GCSAML: variants seen among roughly 807,000 people sequenced by gnomAD.
GCSAML encodes germinal center-associated signaling and motility-like protein.
A neutral mutation model predicts 13.0 loss-of-function variants in GCSAML; 9 were observed. The observed-to-expected ratio is 0.69, with a 90% CI of 0.42 to 1.21. GCSAML has a LOEUF of 1.21. GCSAML is among the 50% of genes most tolerant of loss of function. The probability of loss-of-function intolerance (pLI) is 0.00; values close to 1 mark genes in which losing one functional copy is unlikely to be tolerated. For missense variants in GCSAML, 143 were observed against 153.4 expected (o/e 0.93, Z 0.36); for synonymous variants, 37 against 52.9 (o/e 0.70, Z 1.31).
intron 2 of GCSAML, among the ~76,000 whole-genome samples, chr1:247,562,834 T>A (rs202082112): frequency 9.3e-4 from 142 of 151,968 alleles, no homozygotes; most frequent in African/African-American, 3.2e-3. Flanking sequence ...TATTTTTTTT[T>A]TAATTTATTT....
upstream of GCSAML, among the ~76,000 whole-genome samples, chr1:247,545,105 A>T (rs1667524068): frequency 6.6e-6 from 1 of 152,218 alleles, no homozygotes; most frequent in African/African-American, 2.4e-5. Flanking sequence ...CATTCCTTAA[A>T]AATGAAATAA....
chr1:247,543,606 A>G (rs1667477154), intron 2 of GCSAML, among the ~76,000 whole-genome samples: 1 of 152,212 alleles, frequency 6.6e-6, no homozygotes, highest in Admixed American at 6.5e-5. Context: ...TGGTTCTAAA[A>G]GCATTTGAAT....
At chr1:247,572,581 G>A (rs1284980988) in intron 4 of GCSAML, among the ~76,000 whole-genome samples, 2 of 152,202 alleles carry the variant, frequency 1.3e-5, no homozygotes, top group East Asian at 3.9e-4. Context: ...TGGAAGCTTT[G>A]TCCCAGCAGG....
In GCSAML at chr1:247,571,159, G is replaced by A. The variant is rs1316793607; in HGVS notation, c.169-2984G>A. Among the ~76,000 whole-genome samples the A allele has an allele frequency of 2.0e-5, 3 of 152,074 alleles. No homozygotes were observed. The East Asian group carries it at 5.8e-4, about 29-fold the overall frequency. ...TGGATCTTGAATCTTTATCCAATTTGCCAGTCTGTGTCTTTTAATTGGGCC... is the reference window on the plus strand; with the variant it reads ...TGGATCTTGAATCTTTATCCAATTTACCAGTCTGTGTCTTTTAATTGGGCC... On this transcript the variant is annotated intron_variant, in intron 4 of 4. Transcript: ENST00000366488.
intron 4 of GCSAML, among the ~76,000 whole-genome samples, chr1:247,568,526 T>C (rs569444147): frequency 6.6e-6 from 1 of 152,220 alleles, no homozygotes; most frequent in Non-Finnish European, 1.5e-5. Context: ...TCTGTTCCAT[T>C]GGTCTATATA....
intron 2 of GCSAML, among the ~76,000 whole-genome samples, chr1:247,557,922 AG>A (rs1668008371): frequency 1.3e-5 from 2 of 152,268 alleles, no homozygotes; most frequent in South Asian, 4.1e-4. Flanking sequence ...CGCATAAACT[AG>A]TCATCTAAAC....
intron 1 of GCSAML, among the ~76,000 whole-genome samples, chr1:247,550,855 C>A (rs995281478): frequency 6.6e-6 from 1 of 151,602 alleles, no homozygotes; most frequent in Non-Finnish European, 1.5e-5. Context: ...TGGTCTTGGT[C>A]GCAAGAAAAA....
At chr1:247,514,578 T>A (rs1045072197) in intron 1 of GCSAML, among the ~76,000 whole-genome samples, 2 of 152,230 alleles carry the variant, frequency 1.3e-5, no homozygotes, top group Non-Finnish European at 2.9e-5. Context: ...TCCAATGTTA[T>A]CTTGTAGAAT....
chr1:247,546,657 G>A (rs561687244), upstream of GCSAML, among the ~76,000 whole-genome samples: 5 of 151,046 alleles, frequency 3.3e-5, no homozygotes, highest in African/African-American at 4.9e-5. Flanking sequence ...CACCGCGCCC[G>A]GCTGAAAATG....
intron 1 of GCSAML, among the ~76,000 whole-genome samples, chr1:247,508,823 T>G (rs988108320): frequency 1.3e-5 from 2 of 152,168 alleles, no homozygotes; most frequent in Non-Finnish European, 2.9e-5. Context: ...TGGTGGTATG[T>G]GTATGGTCTT....
intron 1 of GCSAML, among the ~76,000 whole-genome samples, chr1:247,510,588 T>C (rs1258852602): frequency 6.6e-6 from 1 of 152,224 alleles, no homozygotes; most frequent in Non-Finnish European, 1.5e-5. Flanking sequence ...TTAATTGTGA[T>C]GTTAGAGTGT....
chr1:247,546,382 C>CG (rs372586796), upstream of GCSAML, among the ~76,000 whole-genome samples: 920 of 151,924 alleles, frequency 6.1e-3, 10 homozygotes, highest in African/African-American at 0.02. Context: ...TTTTTTGAGA[C>CG]GAGTCTCGCT....
intron 1 of GCSAML, among the ~76,000 whole-genome samples, chr1:247,511,458 A>G (rs1666034537): frequency 6.6e-6 from 1 of 151,618 alleles, no homozygotes; most frequent in Non-Finnish European, 1.5e-5. Context: ...ATGGGTCTTG[A>G]CTCTTTATTC....
intron 1 of GCSAML, 63 bp from the exon 2 acceptor site, chr1:247,556,344 A>G (rs1667944364): frequency 8.6e-7 from 1 of 1,163,130 alleles, no homozygotes; most frequent in Non-Finnish European, 1.3e-6. Context: ...AAGTTAGAGA[A>G]GAAGGTGAAA....
intron 2 of GCSAML, among the ~76,000 whole-genome samples, chr1:247,540,635 T>C (rs1387319163): frequency 1.3e-5 from 2 of 152,172 alleles, no homozygotes; most frequent in Non-Finnish European, 2.9e-5. Context: ...GGAGTGCTGA[T>C]GTGTGAGCAG....
chr1:247,513,019 C>G (rs916947511), intron 1 of GCSAML, among the ~76,000 whole-genome samples: 1 of 152,188 alleles, frequency 6.6e-6, no homozygotes, highest in African/African-American at 2.4e-5. Context: ...CAGTCTGTCC[C>G]TTAGCAGAGC....
At position 247,572,734 on chromosome 1, in the gene GCSAML, G is replaced by A. The variant is rs1668667381; in HGVS notation, c.169-1409G>A. ...TCCCTTAGCAGTGCTTGAGCACTGT[G>A]CTGGGAGATCTGCTGCTCTCTTCAG... On this transcript the variant is annotated intron_variant, in intron 4 of 4. Transcript: ENST00000366488. Among the ~76,000 whole-genome samples the A allele has an allele frequency of 7.9e-5, 12 of 152,382 alleles. No homozygotes were observed. The South Asian group carries it at 2.5e-3, about 32-fold the overall frequency.
At position 247,563,625 on chromosome 1, in the gene GCSAML, A is replaced by G. The variant is rs1326562795; in HGVS notation, c.125A>G (p.Asp42Gly). 1.3e-6 allele frequency: 2 copies of G among 1,580,162 alleles called. No homozygotes were observed. Among genetic ancestry groups the G allele is most frequent in the East Asian group, 2.2e-5 (1 of 44,616 alleles). Residue 42 changes from aspartate (D) to glycine (G), a missense_variant, in exon 3 of 5, where the codon GAT (aspartate) becomes GGT (glycine). Transcript: ENST00000366488. The part of the protein sequence containing the change: ...EMTTFERKLQ[D>G]QDKKSQEVSS... ...ACTACATTTGAAAGAAAACTTCAAG[A>G]TCAAGATAAGAAAAGTAAGTCATGG...
At chr1:247,511,875 C>T (rs575210176) in intron 1 of GCSAML, among the ~76,000 whole-genome samples, 4 of 152,270 alleles carry the variant, frequency 2.6e-5, no homozygotes, top group East Asian at 1.9e-4. Flanking sequence ...CAGAGAGGTC[C>T]GCTGTTAGTC....
Sources: allele counts gnomAD v4.1 joint callset (sites outside exome capture counted in the v4.1 genomes callset), GRCh38; gene constraint gnomAD v4.1.1; transcripts MANE v1.5; gene names NCBI Gene and HGNC (gene_info 2026-07-23, HGNC 2026-07-21).